Variants in BABAM2 observed in about 807,000 individuals in gnomAD.
BABAM2 encodes BRISC and BRCA1 A complex member 2.
A neutral mutation model predicts 54.7 loss-of-function variants in BABAM2; 31 were observed. That is an observed-to-expected ratio of 0.57 (90% CI 0.43 to 0.77). The LOEUF (loss-of-function observed/expected upper bound fraction) is 0.77. Among genes scored for constraint, BABAM2 ranks in the 30% least tolerant of loss-of-function variants. BABAM2 has a pLI of 0.00. For synonymous variants in BABAM2, 167 were observed against 162.9 expected, an observed-to-expected ratio of 1.03 and a Z score of -0.19; for missense variants, 364 against 455.8, an observed-to-expected ratio of 0.80 and a Z score of 1.83.
intron 7 of BABAM2, among the ~76,000 whole-genome samples, chr2:28,186,227 G>A (rs763009036): frequency 6.6e-6 from 1 of 151,936 alleles, no homozygotes; most frequent in Admixed American, 6.6e-5. Flanking sequence ...AGTTATTATG[G>A]GTAATACCAA....
intron 7 of BABAM2, among the ~76,000 whole-genome samples, chr2:28,141,769 T>C (rs1273422065): frequency 6.6e-6 from 1 of 152,186 alleles, no homozygotes; most frequent in Non-Finnish European, 1.5e-5. Context: ...TATGTTTCCA[T>C]CTAGACAATG....
intron 7 of BABAM2, among the ~76,000 whole-genome samples, chr2:28,152,751 G>T (rs1328458042): frequency 6.6e-6 from 1 of 152,224 alleles, no homozygotes; most frequent in East Asian, 1.9e-4. Flanking sequence ...CTGAGTTAAG[G>T]AAGGGAAGAC....
chr2:28,196,892 T>C (rs1677639007), intron 7 of BABAM2, among the ~76,000 whole-genome samples: 1 of 125,156 alleles, frequency 8.0e-6, no homozygotes, highest in Admixed American at 1.0e-4. Flanking sequence ...TCACTCAGGC[T>C]GGAGTGCAGT....
intron 7 of BABAM2, among the ~76,000 whole-genome samples, chr2:28,210,770 TA>T (rs1679374219): frequency 6.6e-6 from 1 of 152,212 alleles, no homozygotes; most frequent in African/African-American, 2.4e-5. Context: ...TGTCATGAAA[TA>T]CTTTTGGCCA....
intron 6 of BABAM2, 64 bp from the exon 7 acceptor site, chr2:28,129,207 G>C (rs1669823821): frequency 6.2e-6 from 9 of 1,442,546 alleles, no homozygotes; most frequent in Non-Finnish European, 8.8e-6. Context: ...TGGACTGTGA[G>C]CTTGACACTA....
rs143341614 is a variant in BABAM2 at position 28,187,521 on chromosome 2, T to C, written c.681-49681T>C. Among the ~76,000 whole-genome samples, 53 of 152,318 alleles carry C rather than the reference T, an allele frequency of 3.5e-4. No homozygotes were observed. In the East Asian group the frequency reaches 7.1e-3, roughly 21 times the overall value. On this transcript the variant is annotated intron_variant, in intron 7 of 11. Coordinates refer to ENST00000379624, the MANE Select transcript of BABAM2 (RefSeq NM_199191.3). Reference sequence around the variant, plus strand: ...ACAGTTCATGGGATTCTTTGTGCTTTGAGTCTTTCAGTGTAAAATTTATAT... The same window carrying C: ...ACAGTTCATGGGATTCTTTGTGCTTCGAGTCTTTCAGTGTAAAATTTATAT...
In BABAM2 at chr2:28,126,801, G is replaced by C. The variant is rs961809511; in HGVS notation, c.571-2470G>C. 3.1e-3 allele frequency among the ~76,000 whole-genome samples: 464 copies of C among 150,462 alleles called. 6 individuals are homozygous for C. The highest frequency in any genetic ancestry group is 0.011 in the African/African-American group (432 of 40,764). On this transcript the variant is annotated intron_variant, in intron 6 of 11. Coordinates refer to ENST00000379624, the MANE Select transcript of BABAM2 (RefSeq NM_199191.3). ...CCTATTTCTCCACATCCTCTCCAGC[G>C]CCTGTTGTTTCCTGGCTTTTTAATG...
intron 10 of BABAM2, among the ~76,000 whole-genome samples, chr2:28,291,438 CA>C (rs1383132839): frequency 1.3e-5 from 2 of 151,696 alleles, no homozygotes; most frequent in African/African-American, 4.8e-5. Context: ...ACTTAAAATA[CA>C]AAAAATTAGC....
At chr2:28,063,074 C>T (rs1244325065) in intron 6 of BABAM2, among the ~76,000 whole-genome samples, 1 of 152,196 alleles carries the variant, frequency 6.6e-6, no homozygotes. Flanking sequence ...TGCAGTTCCC[C>T]TTCTGCCTGG....
chr2:28,145,512 T>G (rs1156855522), intron 7 of BABAM2, among the ~76,000 whole-genome samples: 1 of 152,238 alleles, frequency 6.6e-6, no homozygotes, highest in African/African-American at 2.4e-5. Context: ...ATTCTGTCAT[T>G]CTTTCCCTTT....
intron 7 of BABAM2, among the ~76,000 whole-genome samples, chr2:28,207,333 G>T (rs1230000717): frequency 2.0e-5 from 2 of 100,576 alleles, no homozygotes; most frequent in Middle Eastern, 4.6e-3. Context: ...GCAAGACCTC[G>T]TCTCTAGTTT....
intron 10 of BABAM2, among the ~76,000 whole-genome samples, chr2:28,264,663 T>A (rs1045727330): frequency 3.9e-5 from 6 of 152,206 alleles, no homozygotes; most frequent in African/African-American, 1.4e-4. Context: ...GCTTGAACAC[T>A]GTATTTACAA....
rs1387027389 is a variant in BABAM2 at position 27,954,941 on chromosome 2, CAT to C, written c.205+25034_205+25035del. On this transcript the variant is annotated intron_variant, in intron 3 of 11. Coordinates refer to ENST00000379624, the MANE Select transcript of BABAM2 (RefSeq NM_199191.3). ...GAGAATGAAGGTGTGTGCCAGCAAA[CAT>C]GTGATTTTTGGTCAAGTAGTGCTCT... Among the ~76,000 whole-genome samples the C allele has an allele frequency of 1.6e-4, 24 of 152,170 alleles. No individual in the cohort carries two copies. The East Asian group carries it at 2.7e-3, about 17-fold the overall frequency.
intron 3 of BABAM2, among the ~76,000 whole-genome samples, chr2:27,938,871 C>T (rs114146074): frequency 0.014 from 2,107 of 152,232 alleles, 55 homozygotes; most frequent in African/African-American, 0.048. Flanking sequence ...GCAGTCTTAA[C>T]ATTTTTATAT....
At chr2:28,247,948 C>T (rs1475132655) in intron 10 of BABAM2, among the ~76,000 whole-genome samples, 1 of 152,122 alleles carries the variant, frequency 6.6e-6, no homozygotes, top group Admixed American at 6.6e-5. Flanking sequence ...GGGACTGTGG[C>T]CATGATTGTG....
chr2:28,146,564 T>C (rs1671512236), intron 7 of BABAM2, among the ~76,000 whole-genome samples: 1 of 152,108 alleles, frequency 6.6e-6, no homozygotes, highest in East Asian at 1.9e-4. Context: ...ACCATGAACA[T>C]GAATCACAGA....
chr2:28,200,808 G>A (rs1031598323), intron 7 of BABAM2, among the ~76,000 whole-genome samples: 9 of 151,940 alleles, frequency 5.9e-5, no homozygotes, highest in East Asian at 3.9e-4. Context: ...TTGCTCTGTC[G>A]CCCAGGTTGG....
intron 5 of BABAM2, among the ~76,000 whole-genome samples, chr2:28,044,117 G>A (rs527586029): frequency 7.9e-5 from 12 of 152,006 alleles, no homozygotes; most frequent in African/African-American, 1.5e-4. Flanking sequence ...TGCTGTGAGC[G>A]GTAAAACAAA....
chr2:28,057,426 G>A (rs1226840377), intron 6 of BABAM2, among the ~76,000 whole-genome samples: 2 of 152,322 alleles, frequency 1.3e-5, no homozygotes, highest in East Asian at 1.9e-4. Flanking sequence ...AGAAAGGGAA[G>A]TGGGGATTGG....
Sources: gnomAD v4.1 joint callset for allele counts (sites outside exome capture counted in the v4.1 genomes callset) on GRCh38, gnomAD v4.1.1 for gene constraint, MANE v1.5 for transcripts, NCBI Gene and HGNC (gene_info 2026-07-23, HGNC 2026-07-21) for gene names.